Variants in ZNF475 observed in about 807,000 individuals in gnomAD.
The protein encoded by ZNF475 is zinc finger protein 475.
chr5:122,169,633 A>T, the ZNF475 span, among the ~76,000 whole-genome samples: 2 of 152,184 alleles, frequency 1.3e-5, no homozygotes, highest in Non-Finnish European at 2.9e-5. Flanking sequence ...TACTGACATC[A>T]TATTAGATAG....
the ZNF475 span, chr5:122,179,549 G>C: frequency 6.8e-7 from 1 of 1,480,012 alleles, no homozygotes; most frequent in East Asian, 2.5e-5. Flanking sequence ...GTTACTTGCA[G>C]CCAACAATGA....
chr5:122,161,453 T>C, the ZNF475 span, among the ~76,000 whole-genome samples: 2 of 152,202 alleles, frequency 1.3e-5, no homozygotes, highest in African/African-American at 2.4e-5. Flanking sequence ...GGGTCAACTC[T>C]GATAGGAAAA....
At chr5:122,182,498 C>A in the ZNF475 span, 1 of 1,473,666 alleles carries the variant, frequency 6.8e-7, no homozygotes, top group Non-Finnish European at 8.9e-7. Context: ...CAGCCAAAGG[C>A]TTCTATGATC....
the ZNF475 span, among the ~76,000 whole-genome samples, chr5:122,167,458 A>C: frequency 6.8e-4 from 104 of 152,330 alleles, 1 homozygote; most frequent in African/African-American, 2.4e-3. Context: ...TTGGGAGATA[A>C]ATTAAAGAGT....
chr5:122,166,192 G>A, the ZNF475 span, among the ~76,000 whole-genome samples: 1 of 152,192 alleles, frequency 6.6e-6, no homozygotes, highest in African/African-American at 2.4e-5. Flanking sequence ...TGTGACACAA[G>A]GGGAGCCTTT....
chr5:122,179,794 G>A, the ZNF475 span: 1 of 1,169,362 alleles, frequency 8.6e-7, no homozygotes, highest in Non-Finnish European at 1.1e-6. Context: ...ACTAATAAGA[G>A]CAGAAGTATT....
chr5:122,179,563 G>C, the ZNF475 span: 27 of 1,507,218 alleles, frequency 1.8e-5, no homozygotes, highest in Admixed American at 4.4e-4. Flanking sequence ...ACAATGATAC[G>C]GCGTCCACCA....
At chr5:122,168,580 G>A in the ZNF475 span, among the ~76,000 whole-genome samples, 6 of 152,214 alleles carry the variant, frequency 3.9e-5, no homozygotes, top group Non-Finnish European at 8.8e-5. Flanking sequence ...AGGCATGGCG[G>A]CCGGCGCCTG....
At chr5:122,164,118 A>G in the ZNF475 span, among the ~76,000 whole-genome samples, 6 of 152,198 alleles carry the variant, frequency 3.9e-5, no homozygotes, top group African/African-American at 1.4e-4. Flanking sequence ...TGAATTAACA[A>G]TAAGGTTAGT....
At chr5:122,167,748 A>G in the ZNF475 span, among the ~76,000 whole-genome samples, 3 of 152,236 alleles carry the variant, frequency 2.0e-5, no homozygotes, top group Non-Finnish European at 4.4e-5. Context: ...TGCCACCACC[A>G]TAACCAAGAC....
chr5:122,172,510 C>T, the ZNF475 span, among the ~76,000 whole-genome samples: 1 of 152,108 alleles, frequency 6.6e-6, no homozygotes, highest in Non-Finnish European at 1.5e-5. Flanking sequence ...ACCAATCAGT[C>T]GATATCATAT....
chr5:122,181,939 T>C, the ZNF475 span, among the ~76,000 whole-genome samples: 3 of 152,232 alleles, frequency 2.0e-5, no homozygotes, highest in Non-Finnish European at 4.4e-5. Flanking sequence ...ACTTAAAGAA[T>C]ATCTGAGTTT....
chr5:122,180,523 T>TTAAGAAAA, the ZNF475 span, among the ~76,000 whole-genome samples: 3 of 152,242 alleles, frequency 2.0e-5, no homozygotes, highest in Non-Finnish European at 4.4e-5. Flanking sequence ...ATGAGAATAG[T>TTAAGAAAA]TAAGAAAATA....
At chr5:122,161,353 A>C in the ZNF475 span, among the ~76,000 whole-genome samples, 1 of 152,228 alleles carries the variant, frequency 6.6e-6, no homozygotes, top group African/African-American at 2.4e-5. Flanking sequence ...TTAATCAGAG[A>C]AAGTGGGAAC....
At chr5:122,179,551 C>T in the ZNF475 span, 1 of 1,482,646 alleles carries the variant, frequency 6.7e-7, no homozygotes, top group Admixed American at 2.3e-5. Flanking sequence ...TACTTGCAGC[C>T]AACAATGATA....
At chr5:122,170,420 A>G in the ZNF475 span, among the ~76,000 whole-genome samples, 63 of 152,312 alleles carry the variant, frequency 4.1e-4, no homozygotes, top group Admixed American at 1.4e-3. Flanking sequence ...ATAATTTGCT[A>G]TAACAGCTCA....
the ZNF475 span, among the ~76,000 whole-genome samples, chr5:122,168,111 C>A: frequency 4.6e-5 from 7 of 152,322 alleles, no homozygotes; most frequent in African/African-American, 1.7e-4. Context: ...ATGGTGCCAT[C>A]TCGGCTCACT....
the ZNF475 span, among the ~76,000 whole-genome samples, chr5:122,181,012 C>G: frequency 0.19 from 28,322 of 151,996 alleles, 2,804 homozygotes; most frequent in Middle Eastern, 0.27. Flanking sequence ...ATCTTTATCA[C>G]TTTCTCTGCT....
the ZNF475 span, among the ~76,000 whole-genome samples, chr5:122,162,039 G>C: frequency 6.6e-6 from 1 of 150,426 alleles, no homozygotes; most frequent in Admixed American, 6.6e-5. Context: ...GACCAAATTA[G>C]AGTCTATTTT....
Sources: gnomAD v4.1 joint callset for allele counts (sites outside exome capture counted in the v4.1 genomes callset) on GRCh38, gnomAD v4.1.1 for gene constraint, MANE v1.5 for transcripts, NCBI Gene and HGNC (gene_info 2026-07-23, HGNC 2026-07-21) for gene names.